TRIM14: variants seen among roughly 807,000 people sequenced by gnomAD.
TRIM14 encodes the protein tripartite motif containing 14.
A neutral mutation model predicts 44.5 loss-of-function variants in TRIM14; 28 were observed. The ratio of observed to expected loss-of-function variants is 0.63; its 90% CI spans 0.47 to 0.86. The LOEUF (loss-of-function observed/expected upper bound fraction) is 0.86. TRIM14 is among the 40% of genes least tolerant of loss of function. The pLI is 0.00. For synonymous variants in TRIM14, 299 were observed against 269.2 expected (o/e 1.11, Z -1.08); for missense variants, 607 against 611.1 (o/e 0.99, Z 0.07).
intron 1 of TRIM14, 111 bp from the exon 2 acceptor site, chr9:98,110,095 T>G: frequency 3.7e-6 from 3 of 814,684 alleles, no homozygotes; most frequent in Non-Finnish European, 6.2e-6. Context: ...AATGGAGGCA[T>G]CTGAAGGTGA....
the TRIM14 span, among the ~76,000 whole-genome samples, chr9:98,046,924 C>G: frequency 6.6e-6 from 1 of 152,080 alleles, no homozygotes; most frequent in Non-Finnish European, 1.5e-5. Context: ...CTTTTCCCCC[C>G]AAAGGTGAAA....
the TRIM14 span, among the ~76,000 whole-genome samples, chr9:98,062,716 T>C: frequency 6.6e-6 from 1 of 151,694 alleles, no homozygotes; most frequent in Non-Finnish European, 1.5e-5. Context: ...ATATTTCTTT[T>C]GGTGCATGTA....
chr9:98,060,020 T>C, the TRIM14 span, among the ~76,000 whole-genome samples: 3 of 152,198 alleles, frequency 2.0e-5, no homozygotes, highest in Non-Finnish European at 2.9e-5. Flanking sequence ...ACTGCTTTTA[T>C]ATCGATGGAG....
intron 2 of TRIM14, among the ~76,000 whole-genome samples, chr9:98,101,367 T>G (rs1004726224): frequency 6.6e-6 from 1 of 152,066 alleles, no homozygotes; most frequent in Non-Finnish European, 1.5e-5. Context: ...TTATATAAAC[T>G]GTGGGTGGTA....
chr9:98,099,789 T>TG, intron 3 of TRIM14, 142 bp downstream of exon 3: 2 of 685,474 alleles, frequency 2.9e-6, no homozygotes, highest in Non-Finnish European at 4.9e-6. Flanking sequence ...ACCACCTGTG[T>TG]GGGGGCAAGA....
chr9:98,101,427 A>AT (rs796209312), intron 2 of TRIM14, among the ~76,000 whole-genome samples: 8,559 of 143,520 alleles, frequency 0.06, 360 homozygotes, highest in Admixed American at 0.12. Context: ...ATAGCTATCA[A>AT]TTTTTTTTTT....
the TRIM14 span, among the ~76,000 whole-genome samples, chr9:98,045,004 G>C: frequency 6.6e-6 from 1 of 152,030 alleles, no homozygotes; most frequent in Non-Finnish European, 1.5e-5. Context: ...TCCCAGCTAC[G>C]TGAGAGGCTG....
the TRIM14 span, among the ~76,000 whole-genome samples, chr9:98,060,534 G>A: frequency 2.0e-5 from 3 of 152,186 alleles, no homozygotes; most frequent in East Asian, 3.8e-4. Flanking sequence ...GCCGGGTGTC[G>A]TGGTGGGTGC....
intron 6 of TRIM14, among the ~76,000 whole-genome samples, chr9:98,070,452 A>C (rs549608923): frequency 2.5e-4 from 37 of 149,946 alleles, no homozygotes; most frequent in Middle Eastern, 6.5e-3. Flanking sequence ...TATTTATTTC[A>C]CTCTGTTGGC....
downstream of TRIM14, among the ~76,000 whole-genome samples, chr9:98,068,650 T>TAAAA (rs55679709): frequency 5.9e-4 from 75 of 127,702 alleles, no homozygotes; most frequent in African/African-American, 2.1e-3. Flanking sequence ...CCCCATCTAT[T>TAAAA]AAAAAAAAAA....
At chr9:98,088,045 G>A (rs1334042919) in intron 5 of TRIM14, 40 bp from the exon 6 acceptor site, 7 of 1,416,490 alleles carry the variant, frequency 4.9e-6, no homozygotes, top group Non-Finnish European at 5.5e-6. Context: ...GGTGGGCGGG[G>A]CCAGCGCGGC....
At chr9:98,067,362 C>T (rs774018344), downstream of TRIM14, among the ~76,000 whole-genome samples, 12 of 152,166 alleles carry the variant, frequency 7.9e-5, no homozygotes, top group African/African-American at 2.4e-4. Context: ...GCACCATTCC[C>T]GCCAGCAGGG....
At chr9:98,071,624 G>T (rs540794226) in intron 6 of TRIM14, among the ~76,000 whole-genome samples, 1 of 152,288 alleles carries the variant, frequency 6.6e-6, no homozygotes, top group South Asian at 2.1e-4. Context: ...GGGACATCTG[G>T]GTACTTGTCC....
At chr9:98,088,062 C>A in intron 5 of TRIM14, 57 bp from the exon 6 acceptor site, 1 of 1,386,502 alleles carries the variant, frequency 7.2e-7, no homozygotes, top group South Asian at 1.6e-5. Context: ...CGGCGCCCCG[C>A]CCCCGGGAAC....
the TRIM14 span, among the ~76,000 whole-genome samples, chr9:98,052,099 C>T: frequency 6.6e-6 from 1 of 152,152 alleles, no homozygotes; most frequent in African/African-American, 2.4e-5. Flanking sequence ...CCCCCAAAGT[C>T]ACAAGTGTCA....
At chr9:98,064,898 T>C (rs990298945), downstream of TRIM14, among the ~76,000 whole-genome samples, 6 of 152,192 alleles carry the variant, frequency 3.9e-5, no homozygotes, top group African/African-American at 1.4e-4. Flanking sequence ...GGAGAGTCTC[T>C]GGGCCCAAGA....
the TRIM14 span, among the ~76,000 whole-genome samples, chr9:98,040,499 T>C: frequency 1.3e-5 from 2 of 151,762 alleles, no homozygotes; most frequent in African/African-American, 4.8e-5. Context: ...TCCTCTGCAC[T>C]GCTTAGCCCC....
the TRIM14 span, among the ~76,000 whole-genome samples, chr9:98,037,699 C>A: frequency 4.6e-5 from 7 of 152,054 alleles, no homozygotes; most frequent in Non-Finnish European, 1.0e-4. Flanking sequence ...TTCTAGGAGC[C>A]AACTTCAAAA....
chr9:98,106,243 C>A (rs1014312800), intron 2 of TRIM14, among the ~76,000 whole-genome samples: 1 of 152,208 alleles, frequency 6.6e-6, no homozygotes, highest in Non-Finnish European at 1.5e-5. Context: ...TACAATATAA[C>A]TCAAGCTACA....
Sources: allele counts gnomAD v4.1 joint callset (sites outside exome capture counted in the v4.1 genomes callset), GRCh38; gene constraint gnomAD v4.1.1; transcripts MANE v1.5; gene names NCBI Gene and HGNC (gene_info 2026-07-23, HGNC 2026-07-21).